Variants in MYRF observed in about 807,000 individuals in gnomAD.
MYRF encodes myelin gene regulatory factor.
Under a neutral mutation model 126.3 loss-of-function variants are expected in MYRF, and 16 were observed. That is an observed-to-expected ratio of 0.13 (90% CI 0.09 to 0.19). The LOEUF is 0.19. Ranked by LOEUF, MYRF falls within the 10% of genes least tolerant of loss-of-function variation. MYRF has a pLI of 1.00. For synonymous variants in MYRF, 608 were observed against 635.3 expected (o/e 0.96, Z 0.65); for missense variants, 1,104 against 1,547.0 (o/e 0.71, Z 4.80).
rs1429907522 is a variant in MYRF, at chr11:61,757,464, C to T, written c.46+4674C>T. 2.2e-6 allele frequency: 1 copy of T among 455,906 alleles called. No individual in the cohort carries two copies. The highest frequency in any genetic ancestry group is 4.4e-6 in the Non-Finnish European group (1 of 226,622). The allele number at this position is 455,906 out of a possible 1,614,324, so 28.2% of individuals were successfully genotyped here. On this transcript the variant is annotated intron_variant, in intron 1 of 26. Coordinates refer to ENST00000278836, the MANE Select transcript of MYRF (RefSeq NM_001127392.3). This position sits in a 1 kb window ranked among gnomAD's most constrained non-coding sequence, Gnocchi z 4.7. ...CTGGCCTGGTGAACACTCCATTGGT[C>T]CATGGCAGGTGTTCTGCGCCCTACC...
intron 22 of MYRF, chr11:61,782,838 G>A (rs1591131247): frequency 1.3e-5 from 2 of 152,406 alleles, no homozygotes; most frequent in East Asian, 1.9e-4. Flanking sequence ...GGGTCCTTGG[G>A]TCCCTGGGTC....
intron 5 of MYRF, 59 bp from the exon 6 acceptor site, chr11:61,771,441 C>T: frequency 2.5e-6 from 4 of 1,571,934 alleles, no homozygotes; most frequent in Non-Finnish European, 2.6e-6. Flanking sequence ...GTGGATACTA[C>T]CCAGTGGGAG....
Position 61,781,244 on chromosome 11 carries a change from C to T in MYRF, c.2679C>T (p.Asn893=). 2 of 1,614,202 alleles carry T rather than the reference C, an allele frequency of 1.2e-6. No homozygotes were observed. The highest frequency in any genetic ancestry group is 8.5e-7 in the Non-Finnish European group (1 of 1,180,046). ...PVICCSSPTT[N]PTTGPSLGPS... is the part of the protein sequence containing the mutation. ...TCTGCTGTTCCTCACCCACTACCAA[C>T]CCTACCACTGGTCCTAGTCTTGGCC... The change falls in exon 21 of 27, where the codon AAC becomes AAT. Residue 893 remains asparagine (N), a synonymous_variant. Coordinates refer to ENST00000278836, the MANE Select transcript of MYRF (RefSeq NM_001127392.3).
In MYRF at chr11:61,770,463, T is replaced by C; in HGVS notation, c.678T>C (p.Thr226=). ...CCATGGGGCAGGGGCTGGTGCCCAC[T>C]GATCTTCACCACACCCAGCAGTCCC... ...YAAMGQGLVP[T]DLHHTQQSQM... is the part of the protein sequence containing the mutation. The change falls in exon 5 of 27, where the codon ACT becomes ACC. Residue 226 remains threonine, a synonymous_variant. Transcript: ENST00000278836. 1 of 1,561,142 alleles carries C rather than the reference T, an allele frequency of 6.4e-7. No homozygotes were observed. Among genetic ancestry groups the C allele is most frequent in the South Asian group, 1.2e-5 (1 of 84,800 alleles).
chr11:61,776,203 G>A lies in MYRF; in HGVS notation c.1388+71G>A. ...ACTAAAGCTGGCTTGGGAATGGAGGGGCCAGGGAGGTACCCAGGGTGTCCG... is the reference window on the plus strand; with the variant it reads ...ACTAAAGCTGGCTTGGGAATGGAGGAGCCAGGGAGGTACCCAGGGTGTCCG... On this transcript the variant is annotated intron_variant, in intron 9 of 26. Coordinates refer to ENST00000278836, the MANE Select transcript of MYRF (RefSeq NM_001127392.3). The surrounding 1 kb of genome is among the most constrained non-coding windows in gnomAD (Gnocchi z 4.3). The A allele has an allele frequency of 2.5e-6, 4 of 1,588,632 alleles. No individual in the cohort carries two copies. Among genetic ancestry groups the A allele is most frequent in the Non-Finnish European group, 3.5e-6 (4 of 1,157,752 alleles).
In MYRF at chr11:61,780,772, G is replaced by T; in HGVS notation, c.2466G>T (p.Gly822=). ...LALLRPQPPG[G]SEALCPWSSQ... ...TGCTCCGGCCCCAGCCCCCTGGGGGGAGTGAGGCCTTGTGCCCATGGTACG... is the reference window on the plus strand; with the variant it reads ...TGCTCCGGCCCCAGCCCCCTGGGGGTAGTGAGGCCTTGTGCCCATGGTACG... The change falls in exon 19 of 27, where the codon GGG becomes GGT. Residue 822 remains glycine (G), a synonymous_variant. Coordinates refer to ENST00000278836, the MANE Select transcript of MYRF (RefSeq NM_001127392.3). 2.6e-6 allele frequency: 4 copies of T among 1,546,848 alleles called. No homozygotes were observed. The South Asian group carries it at 3.6e-5, about 14-fold the overall frequency.
chr11:61,785,785 C>T lies in MYRF; in HGVS notation c.3301-15C>T. 1 of 1,612,346 alleles carries T rather than the reference C, an allele frequency of 6.2e-7. No individual in the cohort carries two copies. Among genetic ancestry groups the T allele is most frequent in the Non-Finnish European group, 8.5e-7 (1 of 1,178,346 alleles). ...GGCAGCAGTCTGTCCTGACCCCTCTCTCCCTTCTCTCCAGGGCACCTCTCA... is the reference window on the plus strand; with the variant it reads ...GGCAGCAGTCTGTCCTGACCCCTCTTTCCCTTCTCTCCAGGGCACCTCTCA... On this transcript the variant is annotated splice_polypyrimidine_tract_variant and intron_variant, in intron 25 of 26. Transcript: ENST00000278836.
chr11:61,766,856 GTCTGCAGGGGAGC>G, intron 3 of MYRF: 1 of 369,578 alleles, frequency 2.7e-6, no homozygotes, highest in Non-Finnish European at 5.4e-6. Context: ...GGGAGCATGG[GTCTGCAGGGGAGC>G]TCAGGGCAAA....
intron 8 of MYRF, 104 bp downstream of exon 8, chr11:61,774,266 T>C: frequency 9.1e-7 from 1 of 1,095,090 alleles, no homozygotes; most frequent in Non-Finnish European, 1.3e-6. Flanking sequence ...GGCTCACGCC[T>C]GTAATCCCAG....
In MYRF at chr11:61,753,553, C is replaced by G. The variant is rs557673578; in HGVS notation, c.46+763C>G. Among the ~76,000 whole-genome samples the G allele has an allele frequency of 2.6e-5, 4 of 152,248 alleles. No individual in the cohort carries two copies. In the South Asian group the frequency reaches 8.3e-4, roughly 32 times the overall value. On this transcript the variant is annotated intron_variant, in intron 1 of 26. Coordinates refer to ENST00000278836, the MANE Select transcript of MYRF (RefSeq NM_001127392.3). ...TCTGAGACCCTTCTAGTGCTGTGAA[C>G]TGCATCCCACCAGCCCTCTGAGGCT...
chr11:61,766,931 AAC>A, intron 3 of MYRF: 1 of 445,930 alleles, frequency 2.2e-6, no homozygotes, highest in African/African-American at 2.0e-5. Flanking sequence ...TAGGTGCATG[AAC>A]TCTGTGTTCA....
intron 1 of MYRF, 92 bp from the exon 2 acceptor site, chr11:61,765,533 C>A: frequency 9.5e-7 from 1 of 1,055,466 alleles, no homozygotes; most frequent in South Asian, 1.5e-5. Context: ...TTTTGGAGGG[C>A]CAGCCTGGGC....
In MYRF at chr11:61,757,926, G is replaced by A. The variant is rs2065803128; in HGVS notation, c.46+5136G>A. Among the ~76,000 whole-genome samples the A allele has an allele frequency of 6.6e-6, 1 of 152,164 alleles. No homozygotes were observed. Among genetic ancestry groups the A allele is most frequent in the Non-Finnish European group, 1.5e-5 (1 of 68,006 alleles). ...TGCCAGCCTGGGATGGGCAGGGAAG[G>A]GGCCTCTCCTCCTGACATGCTGAGG... is the stretch of plus-strand genomic sequence containing the variant. On this transcript the variant is annotated intron_variant, in intron 1 of 26. Transcript: ENST00000278836. This position sits in a 1 kb window ranked among gnomAD's most constrained non-coding sequence, Gnocchi z 4.7.
chr11:61,774,782 A>G (rs1433244225), intron 8 of MYRF, among the ~76,000 whole-genome samples: 1 of 146,356 alleles, frequency 6.8e-6, no homozygotes, highest in African/African-American at 2.6e-5. Context: ...TGGGCACCTT[A>G]CCCTGACTCT....
At chr11:61,774,188 G>A (rs762313870) in intron 8 of MYRF, 26 bp downstream of exon 8, 82 of 1,570,134 alleles carry the variant, frequency 5.2e-5, no homozygotes, top group Non-Finnish European at 6.9e-5. Context: ...AGCAAGGAAG[G>A]GAGGGCAGGA....
In MYRF at chr11:61,778,958, G is replaced by GCTGACTGA. The variant is rs2066466355; in HGVS notation, c.2014-305_2014-304insCTGACTGA. The GCTGACTGA allele has an allele frequency of 4.8e-6, 3 of 620,060 alleles. No homozygotes were observed. The highest frequency in any genetic ancestry group is 9.0e-6 in the Non-Finnish European group (3 of 332,552). The allele number at this position is 620,060 out of a possible 1,614,324, so 38.4% of individuals were successfully genotyped here. A position where few individuals can be genotyped will look rare whatever the true frequency, so the allele number is the denominator to read the frequency against. On this transcript the variant is annotated intron_variant, in intron 14 of 26. Transcript: ENST00000278836. The surrounding 1 kb of genome is among the most constrained non-coding windows in gnomAD (Gnocchi z 4.6). ...CCAGTCATCCGAGGGGCAGATCCCG[G>GCTGACTGA]GGCTGCAGCCTTCAGGCTTAGGAGA...
At chr11:61,762,662 T>C (rs1030777084) in intron 1 of MYRF, among the ~76,000 whole-genome samples, 1 of 152,150 alleles carries the variant, frequency 6.6e-6, no homozygotes, top group African/African-American at 2.4e-5. Flanking sequence ...CTGGAAAGTC[T>C]GTTAGAAATC....
rs370509991 is a variant in MYRF, at chr11:61,773,962, C to A, written c.1116-5C>A. 2.9e-5 allele frequency: 47 copies of A among 1,606,730 alleles called. No homozygotes were observed. The highest frequency in any genetic ancestry group is 1.3e-5 in the Non-Finnish European group (15 of 1,176,654). On this transcript the variant is annotated splice_region_variant and splice_polypyrimidine_tract_variant and intron_variant, in intron 7 of 26. Coordinates refer to ENST00000278836, the MANE Select transcript of MYRF (RefSeq NM_001127392.3). ...TCAGGGGAGTGCCCTCACCCGCCCC[C>A]CCAGGCCCATGCTCACCTACCGCGT...
At position 61,776,742 on chromosome 11, in the gene MYRF, G is replaced by A; in HGVS notation, c.1500-45G>A. On this transcript the variant is annotated intron_variant, in intron 10 of 26. Transcript: ENST00000278836. This position sits in a 1 kb window ranked among gnomAD's most constrained non-coding sequence, Gnocchi z 4.3. ...GGCCAGGGAAAGGGTGGCCCTGGGG[G>A]CGGGGGCAGGCCATGAGTACTTCTG... 1.4e-6 allele frequency: 2 copies of A among 1,464,044 alleles called. No homozygotes were observed. The highest frequency in any genetic ancestry group is 9.3e-7 in the Non-Finnish European group (1 of 1,074,532). The allele number at this position is 1,464,044 out of a possible 1,614,324, so 90.7% of individuals were successfully genotyped here.
Sources: allele counts gnomAD v4.1 joint callset (sites outside exome capture counted in the v4.1 genomes callset), GRCh38; gene constraint gnomAD v4.1.1; non-coding constraint Gnocchi (gnomAD v3.1); transcripts MANE v1.5; gene names NCBI Gene and HGNC (gene_info 2026-07-23, HGNC 2026-07-21).